The following MYCBP2 variants were observed in gnomAD, a reference collection of about 807,000 sequenced individuals.
MYCBP2 encodes the protein MYC binding protein 2.
MYCBP2 carries 120 observed loss-of-function variants against 525.3 expected under a neutral mutation model. That is an observed-to-expected ratio of 0.23 (90% CI 0.20 to 0.27). The LOEUF is 0.27. Ranked by LOEUF, MYCBP2 falls within the 10% of genes least tolerant of loss-of-function variation. The pLI, the probability that MYCBP2 is intolerant of heterozygous loss-of-function variation, is 1.00. For synonymous variants in MYCBP2, 1,894 were observed against 1,955.8 expected, an observed-to-expected ratio of 0.97 and a Z score of 0.83; for missense variants, 4,149 against 5,657.1, an observed-to-expected ratio of 0.73 and a Z score of 8.55.
chr13:77,062,920 G>A (rs1252071228), intron 73 of MYCBP2, among the ~76,000 whole-genome samples: 1 of 152,172 alleles, frequency 6.6e-6, no homozygotes, highest in Non-Finnish European at 1.5e-5. Flanking sequence ...ACAAGTGACT[G>A]TTTCTCTGAT....
intron 17 of MYCBP2, among the ~76,000 whole-genome samples, chr13:77,239,049 G>C (rs2068415622): frequency 6.6e-6 from 1 of 152,146 alleles, no homozygotes; most frequent in Non-Finnish European, 1.5e-5. Flanking sequence ...GAAACCGAGA[G>C]GCGGAGGTTG....
intron 34 of MYCBP2, among the ~76,000 whole-genome samples, chr13:77,179,801 A>G (rs1566829184): frequency 1.3e-5 from 2 of 152,208 alleles, no homozygotes; most frequent in Non-Finnish European, 2.9e-5. Context: ...GACTTCAGCA[A>G]TGTTACTCAT....
chr13:77,313,523 T>C (rs1325194855), intron 1 of MYCBP2, among the ~76,000 whole-genome samples: 2 of 151,928 alleles, frequency 1.3e-5, no homozygotes, highest in Admixed American at 1.3e-4. Context: ...TGCAAAACTA[T>C]AAAACTCTTA....
chr13:77,270,885 T>C (rs998045554), intron 5 of MYCBP2, among the ~76,000 whole-genome samples: 2 of 152,150 alleles, frequency 1.3e-5, no homozygotes, highest in African/African-American at 4.8e-5. Flanking sequence ...TTATCTTCCA[T>C]ATTTCTCTCC....
At chr13:77,049,590 A>G (rs577177026) in intron 82 of MYCBP2, among the ~76,000 whole-genome samples, 1 of 152,118 alleles carries the variant, frequency 6.6e-6, no homozygotes, top group East Asian at 1.9e-4. Context: ...ATATGACTAG[A>G]TAGTCTCATT....
intron 55 of MYCBP2, among the ~76,000 whole-genome samples, chr13:77,116,448 C>A (rs1393706342): frequency 1.3e-5 from 2 of 151,920 alleles, no homozygotes; most frequent in Non-Finnish European, 2.9e-5. Flanking sequence ...ATAAAAAATA[C>A]AATTCTGAAT....
intron 43 of MYCBP2, among the ~76,000 whole-genome samples, chr13:77,164,078 C>CTGT (rs1393655498): frequency 1.6e-4 from 25 of 152,318 alleles, no homozygotes; most frequent in African/African-American, 5.8e-4. Context: ...TTCTATCGAC[C>CTGT]TGTTCTCTGA....
chr13:77,049,476 C>G (rs2036277029), intron 82 of MYCBP2, among the ~76,000 whole-genome samples: 1 of 152,060 alleles, frequency 6.6e-6, no homozygotes, highest in Admixed American at 6.5e-5. Context: ...AGCAACTTTC[C>G]CTAGTCTCTA....
At chr13:77,092,081 G>GAA (rs5804892) in intron 59 of MYCBP2, among the ~76,000 whole-genome samples, 8,299 of 144,248 alleles carry the variant, frequency 0.058, 246 homozygotes, top group Non-Finnish European at 0.066. Flanking sequence ...TATTTTTAAT[G>GAA]AAAAAAAAAA....
Position 77,098,871 on chromosome 13 carries a change from T to G in MYCBP2, c.8283A>C (p.Thr2761=). 1 of 1,613,726 alleles carries G rather than the reference T, an allele frequency of 6.2e-7. No individual in the cohort carries two copies. Among genetic ancestry groups the G allele is most frequent in the South Asian group, 1.1e-5 (1 of 91,086 alleles). Residue 2761 remains threonine, a synonymous_variant, in exon 56 of 83, where the codon ACA becomes ACC. Transcript: ENST00000544440. ...GGGATTCACTAGCAGATAAACTTTC[T>G]GTGCCCCTTGGCTTCTTCTGATCAG... ...TTADQKKPRG[T]ESLSASESLI...
Position 77,288,314 on chromosome 13 carries a change from A to T in MYCBP2, c.441T>A (p.Ala147=). The T allele has an allele frequency of 6.2e-7, 1 of 1,614,200 alleles. No individual in the cohort carries two copies. The highest frequency in any genetic ancestry group is 1.1e-5 in the South Asian group (1 of 91,086). The change falls in exon 3 of 83, where the codon GCT becomes GCA. Residue 147 remains alanine (A), a synonymous_variant. Transcript: ENST00000544440. ...GGCGTACATTACAGTAAATATTGAA[A>T]GCAGAAGGATTGCTATGTAGTTTGA... ...PDIKLHSNPS[A]FNIYCNVRHC...
At chr13:77,218,962 T>C (rs1006720476) in intron 20 of MYCBP2, among the ~76,000 whole-genome samples, 4 of 152,156 alleles carry the variant, frequency 2.6e-5, no homozygotes, top group Admixed American at 6.6e-5. Context: ...TTGATAGCTA[T>C]GTAAGGAACA....
At chr13:77,136,420 C>T (rs1256536133) in intron 52 of MYCBP2, among the ~76,000 whole-genome samples, 3 of 152,176 alleles carry the variant, frequency 2.0e-5, no homozygotes, top group African/African-American at 7.2e-5. Flanking sequence ...ATCCCTTGGA[C>T]CTTCCATTTG....
chr13:77,203,799 G>A (rs1325146571), intron 26 of MYCBP2, among the ~76,000 whole-genome samples: 7 of 151,862 alleles, frequency 4.6e-5, no homozygotes, highest in African/African-American at 1.4e-4. Flanking sequence ...ATGGGGAAAG[G>A]ATTCCCTATT....
intron 3 of MYCBP2, among the ~76,000 whole-genome samples, chr13:77,282,248 T>C (rs1248274609): frequency 6.6e-6 from 1 of 151,914 alleles, no homozygotes; most frequent in African/African-American, 2.4e-5. Context: ...CCATCTCTAC[T>C]AAAAATACAA....
rs145512194 is a variant in MYCBP2 at position 77,298,995 on chromosome 13, C to T, written c.303-2321G>A. On this transcript the variant is annotated intron_variant, in intron 1 of 82. Coordinates refer to ENST00000544440, the MANE Select transcript of MYCBP2 (RefSeq NM_015057.5). Reference sequence around the variant, plus strand: ...ACAAATAAATAAATAAAACACAATACGTATTCTTCATACTATTTAGGAAAC... The same window carrying T: ...ACAAATAAATAAATAAAACACAATATGTATTCTTCATACTATTTAGGAAAC... Among the ~76,000 whole-genome samples the T allele has an allele frequency of 9.0e-3, 1,186 of 131,786 alleles. 13 individuals are homozygous for T. Among genetic ancestry groups the T allele is most frequent in the Non-Finnish European group, 0.014 (778 of 56,938 alleles). 86.5% of individuals were successfully genotyped at this position (131,786 alleles called of 152,430 possible).
intron 35 of MYCBP2, 110 bp downstream of exon 35, chr13:77,177,638 G>C: frequency 1.1e-6 from 1 of 878,170 alleles, no homozygotes; most frequent in East Asian, 2.6e-5. Flanking sequence ...AATTTCTTTA[G>C]TGTCATTCAT....
In MYCBP2 at chr13:77,062,659, CTGA is replaced by C; in HGVS notation, c.12708_12710del (p.Asp4236_Gln4237delinsGlu). 6.2e-7 allele frequency: 1 copy of C among 1,614,168 alleles called. No individual in the cohort carries two copies. The highest frequency in any genetic ancestry group is 8.5e-7 in the Non-Finnish European group (1 of 1,180,010). Reference sequence around the variant, plus strand: ...CCGAGGAGAGACGATCTACGTGGTCCTGATCAAGAACACATAGGGATGCGAGAG... The same window carrying C: ...CCGAGGAGAGACGATCTACGTGGTCCTCAAGAACACATAGGGATGCGAGAG... On this transcript the variant is annotated inframe_deletion, in exon 74 of 83. Transcript: ENST00000544440.
chr13:77,090,353 T>C, intron 59 of MYCBP2, 90 bp from the exon 60 acceptor site: 1 of 1,085,484 alleles, frequency 9.2e-7, no homozygotes, highest in Non-Finnish European at 1.3e-6. Flanking sequence ...TGTGACTCAA[T>C]ATTTCATGTG....
Sources: allele counts gnomAD v4.1 joint callset (sites outside exome capture counted in the v4.1 genomes callset), GRCh38; gene constraint gnomAD v4.1.1; transcripts MANE v1.5; gene names NCBI Gene and HGNC (gene_info 2026-07-23, HGNC 2026-07-21).